The following BCL6 variants were observed in gnomAD, a reference collection of about 807,000 sequenced individuals.
BCL6 encodes B-cell lymphoma 6 protein.
A neutral mutation model predicts 59.5 loss-of-function variants in BCL6; 7 were observed. The observed-to-expected ratio is 0.12, with a 90% confidence interval of 0.07 to 0.22. The LOEUF (loss-of-function observed/expected upper bound fraction) is 0.22. BCL6 is among the 10% of genes least tolerant of loss of function. BCL6 has a pLI of 1.00. For synonymous variants in BCL6, 339 were observed against 349.7 expected (o/e 0.97, Z 0.34); for missense variants, 685 against 939.4 (o/e 0.73, Z 3.54).
At chr3:187,744,982 A>ACCC in intron 1 of BCL6, among the ~76,000 whole-genome samples, 1 of 151,668 alleles carries the variant, frequency 6.6e-6, no homozygotes, top group Non-Finnish European at 1.5e-5. Context: ...TCACCCCCCA[A>ACCC]GCACTGTCTC....
At chr3:187,732,032 G>T in intron 3 of BCL6, 102 bp from the exon 4 acceptor site, 1 of 915,732 alleles carries the variant, frequency 1.1e-6, no homozygotes, top group Non-Finnish European at 1.7e-6. Context: ...CCTACCTCCA[G>T]AACTTCTACG....
chr3:187,743,879 A>C (rs2108482488), intron 1 of BCL6, among the ~76,000 whole-genome samples: 1 of 152,196 alleles, frequency 6.6e-6, no homozygotes, highest in African/African-American at 2.4e-5. Flanking sequence ...CAACCTCGCA[A>C]TCTATTTTTG....
In BCL6 at chr3:187,731,040, G is replaced by A. The variant is rs184131508; in HGVS notation, c.383+669C>T. ...AAAGGTTCTAAAGAAGTTAAGCTCT[G>A]AGTCTCTGTTGCACTTAGTGAAGCT... is the stretch of plus-strand genomic sequence containing the variant. On this transcript the variant is annotated intron_variant, in intron 4 of 9. Coordinates refer to ENST00000406870, the MANE Select transcript of BCL6 (RefSeq NM_001706.5). Among the ~76,000 whole-genome samples the A allele has an allele frequency of 5.6e-4, 86 of 152,302 alleles. 2 individuals are homozygous for A. In the East Asian group the frequency reaches 0.015, roughly 26 times the overall value.
intron 1 of BCL6, among the ~76,000 whole-genome samples, chr3:187,738,406 G>C (rs572912893): frequency 1.3e-5 from 2 of 152,234 alleles, no homozygotes; most frequent in East Asian, 3.9e-4. Context: ...TGGCAAGAAC[G>C]GGAACCCAGC....
intron 1 of BCL6, among the ~76,000 whole-genome samples, chr3:187,741,349 C>T (rs190929278): frequency 2.0e-5 from 3 of 152,240 alleles, no homozygotes; most frequent in Admixed American, 6.5e-5. Flanking sequence ...GGCAGAATGG[C>T]ACTCGACAGT....
chr3:187,721,943 T>TTA lies in BCL6; in HGVS notation c.*513_*514dup. The stretch of plus-strand genomic sequence containing the variant: ...TATTTTTAATATATCTTTTTTAGGT[T>TTA]TATATATATTTATTTTATATATATA... On this transcript the variant is annotated 3_prime_UTR_variant, in exon 10 of 10. Transcript: ENST00000406870. This position sits in a 1 kb window ranked among gnomAD's most constrained non-coding sequence, Gnocchi z 4.2. The TTA allele has an allele frequency of 5.8e-6, 1 of 171,262 alleles. No homozygotes were observed. Among genetic ancestry groups the TTA allele is most frequent in the Non-Finnish European group, 1.2e-5 (1 of 84,322 alleles). The allele number at this position is 171,262 out of a possible 1,614,324, so 10.6% of individuals were successfully genotyped here. A position where few individuals can be genotyped will look rare whatever the true frequency, so the allele number is the denominator to read the frequency against.
chr3:187,721,442 A>G lies in BCL6; in HGVS notation c.*1016T>C. 4.3e-6 allele frequency: 1 copy of G among 232,292 alleles called. No homozygotes were observed. The highest frequency in any genetic ancestry group is 6.1e-5 in the East Asian group (1 of 16,388). 14.4% of individuals were successfully genotyped at this position (232,292 alleles called of 1,614,324 possible). A position where few individuals can be genotyped will look rare whatever the true frequency, so the allele number is the denominator to read the frequency against. ...GCTATATTTTACAACGCGGTAATGC[A>G]GTTTAGACACAGCCAAACCCTGTCT... On this transcript the variant is annotated 3_prime_UTR_variant, in exon 10 of 10. Transcript: ENST00000406870. This position sits in a 1 kb window ranked among gnomAD's most constrained non-coding sequence, Gnocchi z 4.2.
At chr3:187,734,047 T>C (rs1189348786) in intron 2 of BCL6, among the ~76,000 whole-genome samples, 2 of 152,078 alleles carry the variant, frequency 1.3e-5, no homozygotes, top group Admixed American at 1.3e-4. Context: ...TTTGTTTTTG[T>C]TTTTGTTTTT....
At position 187,725,086 on chromosome 3, in the gene BCL6, A is replaced by C; in HGVS notation, c.1840-8T>G. 6.2e-7 allele frequency: 1 copy of C among 1,613,624 alleles called. No homozygotes were observed. The highest frequency in any genetic ancestry group is 8.5e-7 in the Non-Finnish European group (1 of 1,179,988). On this transcript the variant is annotated splice_polypyrimidine_tract_variant and splice_region_variant and intron_variant, in intron 8 of 9. Coordinates refer to ENST00000406870, the MANE Select transcript of BCL6 (RefSeq NM_001706.5). The surrounding 1 kb of genome is among the most constrained non-coding windows in gnomAD (Gnocchi z 4.7). Reference sequence around the variant, plus strand: ...GGCACGGAGGTGGGCCACCTGAACGAAGAAGAAGGCATGAGAGGTCTTCTG... The same window carrying C: ...GGCACGGAGGTGGGCCACCTGAACGCAGAAGAAGGCATGAGAGGTCTTCTG...
rs1346149914 is a variant in BCL6, at chr3:187,722,146, A to G, written c.*312T>C. On this transcript the variant is annotated 3_prime_UTR_variant, in exon 10 of 10. Transcript: ENST00000406870. Reference sequence around the variant, plus strand: ...TTCCTCATTTTGCAGACTAAAGTCAAGTCAGAACTTTTGCATACTCCCCTG... The same window carrying G: ...TTCCTCATTTTGCAGACTAAAGTCAGGTCAGAACTTTTGCATACTCCCCTG... 1 of 277,174 alleles carries G rather than the reference A, an allele frequency of 3.6e-6. No individual in the cohort carries two copies. Among genetic ancestry groups the G allele is most frequent in the Non-Finnish European group, 6.8e-6 (1 of 147,714 alleles). 17.2% of individuals were successfully genotyped at this position (277,174 alleles called of 1,614,324 possible).
rs1194417942 is a variant in BCL6 at position 187,729,514 on chromosome 3, G to T, written c.891C>A (p.Asp297Glu). 6.2e-7 allele frequency: 1 copy of T among 1,613,692 alleles called. No individual in the cohort carries two copies. The highest frequency in any genetic ancestry group is 2.2e-5 in the East Asian group (1 of 44,870). ...GTCTCTCTTCTTCTTTGCTGGCCTTGTCACAAGGGAAGTAGGGGGCATTTC... is the reference window on the plus strand; with the variant it reads ...GTCTCTCTTCTTCTTTGCTGGCCTTTTCACAAGGGAAGTAGGGGGCATTTC... ...SARNAPYFPC[D>E]KASKEEERPS... Residue 297 changes from aspartate (D) to glutamate (E), a missense_variant, in exon 5 of 10, where the codon GAC (aspartate) becomes GAA (glutamate). Physicochemically the swap from Asp to Glu is conservative, Grantham distance 45. This residue lies in a region of BCL6 where 268 missense variants were observed against 263.8 expected (regional missense o/e 1.02). Transcript: ENST00000406870. The surrounding 1 kb of genome is among the most constrained non-coding windows in gnomAD (Gnocchi z 5.6).
chr3:187,727,210 C>G (rs1336629820), intron 6 of BCL6, among the ~76,000 whole-genome samples: 1 of 152,196 alleles, frequency 6.6e-6, no homozygotes, highest in East Asian at 1.9e-4. Flanking sequence ...TTTTCTTTCC[C>G]CAAGAGCTCT....
chr3:187,745,021 T>C (rs1576886131), intron 1 of BCL6, among the ~76,000 whole-genome samples: 1 of 149,658 alleles, frequency 6.7e-6, no homozygotes, highest in East Asian at 2.0e-4. Context: ...GCCCCCTAAT[T>C]CCCCTCCTTC....
chr3:187,745,133 A>G (rs531410366), intron 1 of BCL6, among the ~76,000 whole-genome samples: 7 of 152,218 alleles, frequency 4.6e-5, no homozygotes, highest in South Asian at 2.1e-4. Flanking sequence ...TAATAATAAT[A>G]AATACATAAC....
intron 4 of BCL6, among the ~76,000 whole-genome samples, chr3:187,730,246 G>A (rs768257115): frequency 2.6e-5 from 4 of 152,152 alleles, no homozygotes; most frequent in Admixed American, 6.5e-5. Flanking sequence ...GTGAGTTTCC[G>A]GCATGATCTA....
intron 1 of BCL6, among the ~76,000 whole-genome samples, chr3:187,738,667 A>G (rs1719401490): frequency 6.6e-6 from 1 of 152,118 alleles, no homozygotes; most frequent in Non-Finnish European, 1.5e-5. Context: ...TTCGGGGGCT[A>G]GGGGACAGCG....
chr3:187,731,302 T>C (rs1004390364), intron 4 of BCL6, among the ~76,000 whole-genome samples: 1 of 152,144 alleles, frequency 6.6e-6, no homozygotes, highest in Non-Finnish European at 1.5e-5. Context: ...AAAGGAGAAC[T>C]AAAATACATA....
chr3:187,745,147 C>A (rs566362778), intron 1 of BCL6, among the ~76,000 whole-genome samples: 3 of 152,190 alleles, frequency 2.0e-5, no homozygotes, highest in Middle Eastern at 3.4e-3. Context: ...ACATAACAAT[C>A]TATATCCTAT....
intron 1 of BCL6, among the ~76,000 whole-genome samples, chr3:187,742,687 T>C (rs940557317): frequency 2.6e-5 from 4 of 152,130 alleles, no homozygotes; most frequent in Admixed American, 6.6e-5. Flanking sequence ...AGAGTTGCCA[T>C]CTACAGGTTT....
Sources: allele counts gnomAD v4.1 joint callset (sites outside exome capture counted in the v4.1 genomes callset), GRCh38; gene constraint gnomAD v4.1.1; regional missense constraint gnomAD v4.1.1; non-coding constraint Gnocchi (gnomAD v3.1); transcripts MANE v1.5; gene names NCBI Gene and HGNC (gene_info 2026-07-23, HGNC 2026-07-21).